The following GTF3C1 variants were observed in gnomAD, a reference collection of about 807,000 sequenced individuals.
GTF3C1 encodes the protein general transcription factor 3C polypeptide 1.
Under a neutral mutation model 226.7 loss-of-function variants are expected in GTF3C1, and 57 were observed. That is an observed-to-expected ratio of 0.25 (90% CI 0.20 to 0.31). The LOEUF (loss-of-function observed/expected upper bound fraction) is 0.31, where lower values mean the gene tolerates loss of function less well. Among genes scored for constraint, GTF3C1 ranks in the 10% least tolerant of loss-of-function variants. GTF3C1 has a pLI of 1.00. For missense variants in GTF3C1, 2,217 were observed against 2,776.1 expected, an observed-to-expected ratio of 0.80 and a Z score of 4.53; for synonymous variants, 1,090 against 1,084.8, an observed-to-expected ratio of 1.00 and a Z score of -0.09.
chr16:27,512,044 T>C, intron 6 of GTF3C1, 143 bp from the exon 7 acceptor site: 1 of 868,346 alleles, frequency 1.2e-6, no homozygotes, highest in Non-Finnish European at 1.7e-6. Context: ...GTCTGGACTT[T>C]TAAAAATGGC....
chr16:27,502,275 G>T (rs1440963989), intron 11 of GTF3C1, among the ~76,000 whole-genome samples: 2 of 152,006 alleles, frequency 1.3e-5, no homozygotes, highest in East Asian at 3.9e-4. Flanking sequence ...CCTGATGGAG[G>T]GTAAGGCTCC....
chr16:27,517,757 G>A (rs1286611379), intron 6 of GTF3C1, among the ~76,000 whole-genome samples: 1 of 152,168 alleles, frequency 6.6e-6, no homozygotes, highest in African/African-American at 2.4e-5. Flanking sequence ...TGTGTTCGGT[G>A]TTTTCGGAAG....
intron 27 of GTF3C1, 133 bp from the exon 28 acceptor site, chr16:27,478,664 G>C (rs981480073): frequency 1.3e-6 from 1 of 743,678 alleles, no homozygotes; most frequent in Non-Finnish European, 2.5e-6. Flanking sequence ...ACCAAATGTC[G>C]AGTGCTGTGC....
At chr16:27,474,359 G>A (rs570945812) in intron 29 of GTF3C1, among the ~76,000 whole-genome samples, 30 of 152,304 alleles carry the variant, frequency 2.0e-4, no homozygotes, top group African/African-American at 7.0e-4. Flanking sequence ...GGAAAAAGCC[G>A]TGGGAATAAT....
Position 27,469,406 on chromosome 16 carries a change from G to C in GTF3C1, c.4959C>G (p.Ser1653=), listed in dbSNP as rs772629593. 1 of 1,614,008 alleles carries C rather than the reference G, an allele frequency of 6.2e-7. No homozygotes were observed. Among genetic ancestry groups the C allele is most frequent in the Non-Finnish European group, 8.5e-7 (1 of 1,179,936 alleles). ...TNYLLMRGYY[S]PGIVSTRNLN... is the part of the protein sequence containing the mutation. Reference sequence around the variant, plus strand: ...GGTTGCGGGTGCTGACGATGCCGGGGGAGTAGTAGCCCCTCATCAGCAGGT... The same window carrying C: ...GGTTGCGGGTGCTGACGATGCCGGGCGAGTAGTAGCCCCTCATCAGCAGGT... Residue 1653 remains serine, a synonymous_variant, in exon 32 of 37, where the codon TCC becomes TCG. Transcript: ENST00000356183. The surrounding 1 kb of genome is among the most constrained non-coding windows in gnomAD (Gnocchi z 4.5).
At chr16:27,530,927 A>C (rs1397867773) in intron 5 of GTF3C1, among the ~76,000 whole-genome samples, 1 of 152,140 alleles carries the variant, frequency 6.6e-6, no homozygotes. Flanking sequence ...TCTACATCCC[A>C]GTGCAGGCAC....
Position 27,493,190 on chromosome 16 carries a change from T to C in GTF3C1, c.2876+9A>G, listed in dbSNP as rs1292405130. On this transcript the variant is annotated intron_variant, in intron 17 of 36. Coordinates refer to ENST00000356183, the MANE Select transcript of GTF3C1 (RefSeq NM_001520.4). Reference sequence around the variant, plus strand: ...TGCGACTACTCTGGGTCAGGTTCAATGGCCTCACCTCTTGTACAGAAGCTG... The same window carrying C: ...TGCGACTACTCTGGGTCAGGTTCAACGGCCTCACCTCTTGTACAGAAGCTG... 14 of 1,522,710 alleles carry C rather than the reference T, an allele frequency of 9.2e-6. No individual in the cohort carries two copies. The highest frequency in any genetic ancestry group is 6.7e-5 in the South Asian group (6 of 89,332). 94.3% of individuals were successfully genotyped at this position (1,522,710 alleles called of 1,614,324 possible).
Position 27,549,879 on chromosome 16 carries a change from C to A in GTF3C1, c.12G>T (p.Leu4=). MDA[L]ESLLDEVALE... is the part of the protein sequence containing the mutation. ...GAGCGACTTCGTCCAACAACGACTC[C>A]AGCGCGTCCATTGCTACTTCAGTCG... is the stretch of plus-strand genomic sequence containing the variant. Residue 4 remains leucine, a synonymous_variant, in exon 1 of 37, where the codon CTG becomes CTT. Transcript: ENST00000356183. 1 of 1,611,572 alleles carries A rather than the reference C, an allele frequency of 6.2e-7. No homozygotes were observed. Among genetic ancestry groups the A allele is most frequent in the Middle Eastern group, 1.7e-4 (1 of 6,056 alleles).
At chr16:27,485,901 G>A (rs909776779) in intron 24 of GTF3C1, 96 bp downstream of exon 24, 2 of 722,694 alleles carry the variant, frequency 2.8e-6, no homozygotes, top group Non-Finnish European at 4.6e-6. Context: ...GAGCAGCTGA[G>A]AGGAGTGGTC....
chr16:27,515,996 G>A (rs1216731715), intron 6 of GTF3C1, among the ~76,000 whole-genome samples: 1 of 152,246 alleles, frequency 6.6e-6, no homozygotes, highest in African/African-American at 2.4e-5. Flanking sequence ...TAGTGGCAGA[G>A]CTAGGATGTC....
At chr16:27,532,127 A>G (rs1247086878) in intron 5 of GTF3C1, among the ~76,000 whole-genome samples, 1 of 152,196 alleles carries the variant, frequency 6.6e-6, no homozygotes, top group Non-Finnish European at 1.5e-5. Context: ...CAGACTGGAA[A>G]CCTAGATTTT....
Position 27,464,704 on chromosome 16 carries a change from C to G in GTF3C1, c.5488G>C (p.Glu1830Gln). The G allele has an allele frequency of 1.3e-6, 2 of 1,598,110 alleles. No individual in the cohort carries two copies. Among genetic ancestry groups the G allele is most frequent in the Non-Finnish European group, 8.5e-7 (1 of 1,177,518 alleles). The change falls in exon 34 of 37, where the codon GAA becomes CAA. Residue 1830 changes from glutamate (E) to glutamine (Q), a missense_variant. Coordinates refer to ENST00000356183, the MANE Select transcript of GTF3C1 (RefSeq NM_001520.4). ...KDREDADIQR[E>Q]DPQARPLEGS... ...TCCAGGGGTCTGGCCTGGGGGTCTT[C>G]TCTCTGGATGTCGGCGTCTTCTCTG...
intron 32 of GTF3C1, among the ~76,000 whole-genome samples, chr16:27,468,346 T>C (rs1026656916): frequency 6.6e-6 from 1 of 152,252 alleles, no homozygotes; most frequent in Non-Finnish European, 1.5e-5. Context: ...AGGTCTGGCA[T>C]GGTAGCTCAT....
intron 8 of GTF3C1, among the ~76,000 whole-genome samples, chr16:27,508,251 T>C (rs2088517390): frequency 6.6e-6 from 1 of 152,172 alleles, no homozygotes; most frequent in African/African-American, 2.4e-5. Flanking sequence ...TGTCAGGTGA[T>C]CCCCCTACCT....
Position 27,505,999 on chromosome 16 carries a change from C to T in GTF3C1, c.1670G>A (p.Ser557Asn). The part of the protein sequence containing the change: ...LASRDSLLDT[S>N]SVSEPNVSFV... ...GGACACGTTGGGTTCTGAGACGCTG[C>T]TGGTATCTAAGAGGCTGTCCCTGCT... The change falls in exon 10 of 37, where the codon AGC becomes AAC. Residue 557 changes from serine (S) to asparagine (N), a missense_variant. Transcript: ENST00000356183. The T allele has an allele frequency of 1.9e-6, 3 of 1,613,114 alleles. No homozygotes were observed. The highest frequency in any genetic ancestry group is 2.5e-6 in the Non-Finnish European group (3 of 1,179,006).
At chr16:27,506,752 G>T in intron 9 of GTF3C1, 95 bp downstream of exon 9, 1 of 848,598 alleles carries the variant, frequency 1.2e-6, no homozygotes. Flanking sequence ...GGCACCAAGG[G>T]CAACCGCAGG....
rs751102435 is a variant in GTF3C1 at position 27,506,004 on chromosome 16, A to G, written c.1665T>C (p.Asp555=). The G allele has an allele frequency of 1.2e-6, 2 of 1,613,118 alleles. No individual in the cohort carries two copies. The highest frequency in any genetic ancestry group is 1.7e-6 in the Non-Finnish European group (2 of 1,179,026). The change falls in exon 10 of 37, where the codon GAT becomes GAC. Residue 555 remains aspartate, a synonymous_variant. Transcript: ENST00000356183. ...QSLASRDSLL[D]TSSVSEPNVS... is the part of the protein sequence containing the mutation. Reference sequence around the variant, plus strand: ...CGTTGGGTTCTGAGACGCTGCTGGTATCTAAGAGGCTGTCCCTGCTGGCAA... The same window carrying G: ...CGTTGGGTTCTGAGACGCTGCTGGTGTCTAAGAGGCTGTCCCTGCTGGCAA...
At chr16:27,526,298 A>G (rs2088833845) in intron 6 of GTF3C1, among the ~76,000 whole-genome samples, 1 of 152,146 alleles carries the variant, frequency 6.6e-6, no homozygotes, top group Admixed American at 6.5e-5. Flanking sequence ...AAAACAAGAG[A>G]CGGCCAAGCT....
chr16:27,490,921 T>G (rs943349442), intron 19 of GTF3C1, among the ~76,000 whole-genome samples: 1 of 152,214 alleles, frequency 6.6e-6, no homozygotes, highest in African/African-American at 2.4e-5. Context: ...TTTCTGCTCA[T>G]GAACACCTAA....
Sources: allele counts gnomAD v4.1 joint callset (sites outside exome capture counted in the v4.1 genomes callset), GRCh38; gene constraint gnomAD v4.1.1; non-coding constraint Gnocchi (gnomAD v3.1); transcripts MANE v1.5; gene names NCBI Gene and HGNC (gene_info 2026-07-23, HGNC 2026-07-21).